TCERG1: variants seen among roughly 807,000 people sequenced by gnomAD.
TCERG1 encodes the protein TATA box binding protein (TBP)-associated factor, RNA polymerase II, S, 150kD.
TCERG1 carries 37 observed loss-of-function variants against 144.7 expected under a neutral mutation model. That is an observed-to-expected ratio of 0.26 (90% confidence interval 0.20 to 0.34). The LOEUF is 0.34. TCERG1 is among the 10% of genes least tolerant of loss of function. The probability of loss-of-function intolerance (pLI) is 1.00; values close to 1 mark genes in which losing one functional copy is unlikely to be tolerated. For synonymous variants in TCERG1, 492 were observed against 458.2 expected (o/e 1.07, Z -0.94); for missense variants, 1,027 against 1,380.7 (o/e 0.74, Z 4.06).
At chr5:146,471,766 T>G (rs1303489398) in intron 9 of TCERG1, among the ~76,000 whole-genome samples, 190 bp downstream of exon 9, 1 of 152,044 alleles carries the variant, frequency 6.6e-6, no homozygotes, top group African/African-American at 2.4e-5. Flanking sequence ...GCCCAGCTGA[T>G]TTTTGTATTT....
intron 19 of TCERG1, among the ~76,000 whole-genome samples, chr5:146,505,276 C>T (rs928500407): frequency 6.6e-6 from 1 of 152,096 alleles, no homozygotes; most frequent in Non-Finnish European, 1.5e-5. Flanking sequence ...CTAACATTCC[C>T]TCAAATTTAT....
intron 3 of TCERG1, 76 bp from the exon 4 acceptor site, chr5:146,458,808 A>G (rs1763059478): frequency 6.6e-7 from 1 of 1,521,222 alleles, no homozygotes; most frequent in South Asian, 1.3e-5. Context: ...CTTTAAAGAT[A>G]AAATATGGTT....
chr5:146,451,348 T>G (rs1236780225), intron 1 of TCERG1, among the ~76,000 whole-genome samples: 4 of 146,202 alleles, frequency 2.7e-5, no homozygotes, highest in African/African-American at 1.0e-4. Context: ...TTTAAGACAA[T>G]GTCTTGCTCT....
At chr5:146,450,336 C>G (rs565473860) in intron 1 of TCERG1, among the ~76,000 whole-genome samples, 1 of 151,988 alleles carries the variant, frequency 6.6e-6, no homozygotes, top group African/African-American at 2.4e-5. Flanking sequence ...AGAACATGCT[C>G]GGCAAAGAGA....
intron 15 of TCERG1, among the ~76,000 whole-genome samples, chr5:146,485,500 GAGTGTTAT>G (rs1475972706): frequency 6.6e-6 from 1 of 152,130 alleles, no homozygotes; most frequent in African/African-American, 2.4e-5. Flanking sequence ...TCCTGGTACT[GAGTGTTAT>G]AGTGAAATTA....
intron 4 of TCERG1, among the ~76,000 whole-genome samples, chr5:146,461,492 T>G (rs1763323405): frequency 6.6e-6 from 1 of 152,176 alleles, no homozygotes; most frequent in Non-Finnish European, 1.5e-5. Context: ...TTAGATACCA[T>G]TCTCCCAGTT....
At chr5:146,470,792 T>C (rs1468025099) in intron 8 of TCERG1, 44 bp downstream of exon 8, 3 of 1,375,184 alleles carry the variant, frequency 2.2e-6, no homozygotes, top group Non-Finnish European at 3.0e-6. Flanking sequence ...CATTAATTGT[T>C]TCCTACAGCT....
intron 1 of TCERG1, among the ~76,000 whole-genome samples, chr5:146,450,487 A>T (rs1187776451): frequency 6.6e-6 from 1 of 152,226 alleles, no homozygotes; most frequent in African/African-American, 2.4e-5. Context: ...ACTAATATTA[A>T]TATTATTTAA....
At chr5:146,483,949 T>A (rs1276402157) in intron 15 of TCERG1, among the ~76,000 whole-genome samples, 1 of 152,116 alleles carries the variant, frequency 6.6e-6, no homozygotes. Context: ...TGATGCAAAT[T>A]TAGAGTAGAA....
intron 4 of TCERG1, among the ~76,000 whole-genome samples, chr5:146,459,782 G>C (rs1581398512): frequency 6.6e-6 from 1 of 152,212 alleles, no homozygotes; most frequent in African/African-American, 2.4e-5. Flanking sequence ...GACTACATGG[G>C]TATTTATCAT....
Position 146,507,943 on chromosome 5 carries a change from C to T in TCERG1, c.3032C>T (p.Ser1011Phe). ...GAAGATCCTCGATGTATTAAGTTCT[C>T]CTCCAGTGACAGGGTAAGAGGATTT... Reference protein sequence around the residue: ...IKEDPRCIKFSSSDRKKQREF... With the variant: ...IKEDPRCIKFFSSDRKKQREF... Residue 1011 changes from serine to phenylalanine, a missense_variant, in exon 21 of 23, where the codon TCC becomes TTC. Physicochemically the swap from Ser to Phe is radical, Grantham distance 155. Coordinates refer to ENST00000679501, the MANE Select transcript of TCERG1 (RefSeq NM_001382548.1). The surrounding 1 kb of genome is among the most constrained non-coding windows in gnomAD (Gnocchi z 4.6). The T allele has an allele frequency of 6.2e-7, 1 of 1,605,882 alleles. No homozygotes were observed. Among genetic ancestry groups the T allele is most frequent in the Non-Finnish European group, 8.5e-7 (1 of 1,175,950 alleles).
chr5:146,502,342 T>C (rs1767557716), intron 17 of TCERG1, among the ~76,000 whole-genome samples: 2 of 152,172 alleles, frequency 1.3e-5, no homozygotes, highest in African/African-American at 4.8e-5. Flanking sequence ...CAATTCCTAC[T>C]GGAAGGGAGG....
chr5:146,507,230 A>C lies in TCERG1; in HGVS notation c.2961+23A>C, dbSNP rs776638639. ...GCAGTAAGAATCTCTTATTTTTCTC[A>C]TTTTAATCTGGATGAATCTTGTTAG... On this transcript the variant is annotated intron_variant, in intron 20 of 22. Transcript: ENST00000679501. This position sits in a 1 kb window ranked among gnomAD's most constrained non-coding sequence, Gnocchi z 4.6. 1.5e-5 allele frequency: 23 copies of C among 1,547,668 alleles called. No homozygotes were observed. Among genetic ancestry groups the C allele is most frequent in the Non-Finnish European group, 2.0e-5 (23 of 1,151,512 alleles).
intron 15 of TCERG1, among the ~76,000 whole-genome samples, chr5:146,488,051 A>G (rs1443523966): frequency 2.0e-5 from 3 of 152,212 alleles, no homozygotes. Flanking sequence ...ATCTATATGC[A>G]GAAGAAATGA....
chr5:146,500,232 C>G (rs1767306215), intron 17 of TCERG1, among the ~76,000 whole-genome samples: 1 of 150,786 alleles, frequency 6.6e-6, no homozygotes, highest in Non-Finnish European at 1.5e-5. Context: ...TTAAAGAATG[C>G]AAAATCAGTG....
chr5:146,505,159 A>G (rs1223334030), intron 19 of TCERG1, among the ~76,000 whole-genome samples: 1 of 151,496 alleles, frequency 6.6e-6, no homozygotes, highest in Admixed American at 6.6e-5. Context: ...GTGTTGGGGT[A>G]CATTCAGAGC....
At chr5:146,510,212 A>C in intron 22 of TCERG1, 3 of 786,698 alleles carry the variant, frequency 3.8e-6, no homozygotes, top group East Asian at 3.6e-5. Flanking sequence ...ATCTGGAGGG[A>C]CCACCACTAG....
intron 8 of TCERG1, 47 bp downstream of exon 8, chr5:146,470,795 C>A: frequency 7.5e-7 from 1 of 1,335,876 alleles, no homozygotes; most frequent in Non-Finnish European, 1.0e-6. Context: ...TAATTGTTTC[C>A]TACAGCTTAC....
At chr5:146,457,459 G>T (rs1273752907) in intron 3 of TCERG1, 124 bp downstream of exon 3, 7 of 964,702 alleles carry the variant, frequency 7.3e-6, no homozygotes, top group African/African-American at 1.7e-5. Flanking sequence ...CAGGGAATGG[G>T]GTAAGACTTC....
Sources: gnomAD v4.1 joint callset for allele counts (sites outside exome capture counted in the v4.1 genomes callset) on GRCh38, gnomAD v4.1.1 for gene constraint, Gnocchi (gnomAD v3.1) non-coding constraint, MANE v1.5 for transcripts, NCBI Gene and HGNC (gene_info 2026-07-23, HGNC 2026-07-21) for gene names.